CACNA1B: variants seen among roughly 807,000 people sequenced by gnomAD.
CACNA1B encodes the protein calcium voltage-gated channel subunit alpha1 B, also known as voltage-dependent N-type calcium channel subunit alpha-1B.
CACNA1B carries 70 observed loss-of-function variants against 247.2 expected under a neutral mutation model. That is an observed-to-expected ratio of 0.28 (90% CI 0.23 to 0.35). The LOEUF (loss-of-function observed/expected upper bound fraction) is 0.35, where lower values mean the gene tolerates loss of function less well. Ranked by LOEUF, CACNA1B falls within the 10% of genes least tolerant of loss-of-function variation. CACNA1B has a pLI of 1.00. For missense variants in CACNA1B, 2,367 were observed against 3,197.4 expected (o/e 0.74, Z 6.26); for synonymous variants, 1,231 against 1,294.4 (o/e 0.95, Z 1.05).
At chr9:138,115,148 G>T (rs541816965) in intron 41 of CACNA1B, among the ~76,000 whole-genome samples, 1 of 152,136 alleles carries the variant, frequency 6.6e-6, no homozygotes, top group Admixed American at 6.5e-5. Flanking sequence ...CTGAAATCTC[G>T]GAATTTTGCT....
At chr9:137,969,908 T>C (rs991550479) in intron 10 of CACNA1B, among the ~76,000 whole-genome samples, 1 of 152,108 alleles carries the variant, frequency 6.6e-6, no homozygotes, top group Non-Finnish European at 1.5e-5. Flanking sequence ...GGAGTGGTCA[T>C]CCCTGGCCTT....
At chr9:138,022,810 G>GTC (rs562907048) in intron 18 of CACNA1B, among the ~76,000 whole-genome samples, 4 of 134,626 alleles carry the variant, frequency 3.0e-5, no homozygotes, top group African/African-American at 1.3e-4. Flanking sequence ...CACCGTGGGG[G>GTC]GGGGGGGCGG....
At chr9:138,027,863 A>G (rs921607652) in intron 20 of CACNA1B, among the ~76,000 whole-genome samples, 4 of 151,988 alleles carry the variant, frequency 2.6e-5, no homozygotes, top group Admixed American at 2.6e-4. Context: ...TTGGATTGAT[A>G]TTTTTAAGCG....
At chr9:137,979,560 G>T (rs1958269756) in intron 12 of CACNA1B, among the ~76,000 whole-genome samples, 1 of 152,162 alleles carries the variant, frequency 6.6e-6, no homozygotes, top group Admixed American at 6.5e-5. Flanking sequence ...ATTATGCAAG[G>T]ATGTGAACAC....
At chr9:137,963,752 T>C (rs1439795694) in intron 10 of CACNA1B, among the ~76,000 whole-genome samples, 1 of 152,300 alleles carries the variant, frequency 6.6e-6, no homozygotes, top group East Asian at 1.9e-4. Flanking sequence ...GCTAGCTGGT[T>C]ATTTTGCAGA....
intron 3 of CACNA1B, among the ~76,000 whole-genome samples, chr9:137,889,053 G>A (rs113170757): frequency 6.2e-5 from 9 of 144,152 alleles, no homozygotes; most frequent in East Asian, 4.0e-4. Flanking sequence ...CTGCCTTCCC[G>A]CAAGGCGACC....
At chr9:138,087,645 G>A (rs1306383262) in intron 36 of CACNA1B, among the ~76,000 whole-genome samples, 1 of 146,198 alleles carries the variant, frequency 6.8e-6, no homozygotes, top group East Asian at 2.0e-4. Flanking sequence ...AACCCAGGAG[G>A]CGGAGGTTGC....
At chr9:137,997,760 C>T (rs1041602058) in intron 15 of CACNA1B, among the ~76,000 whole-genome samples, 2 of 152,262 alleles carry the variant, frequency 1.3e-5, no homozygotes, top group Admixed American at 6.5e-5. Context: ...TCATTATATC[C>T]CATCCACTGG....
chr9:138,042,227 A>G (rs959216657), intron 20 of CACNA1B, among the ~76,000 whole-genome samples: 3 of 152,266 alleles, frequency 2.0e-5, no homozygotes, highest in African/African-American at 4.8e-5. Context: ...AGAAGGGCGG[A>G]TCATTTGAGG....
At chr9:137,980,667 C>T (rs1658757043) in intron 12 of CACNA1B, among the ~76,000 whole-genome samples, 1 of 152,196 alleles carries the variant, frequency 6.6e-6, no homozygotes, top group African/African-American at 2.4e-5. Context: ...CTTCCCCCTC[C>T]CTCCTCCCTC....
rs1221754482 is a variant in CACNA1B at position 138,057,321 on chromosome 9, C to T, written c.3969-411C>T. On this transcript the variant is annotated intron_variant, in intron 26 of 46. Transcript: ENST00000371372. The surrounding 1 kb of genome is among the most constrained non-coding windows in gnomAD (Gnocchi z 4.0). ...AGGATTAGGAAATAAGTATTTTTCC[C>T]ATTCTGTGGATTTGTCTCTTTACGT... 6.6e-6 allele frequency among the ~76,000 whole-genome samples: 1 copy of T among 152,126 alleles called. No homozygotes were observed. Among genetic ancestry groups the T allele is most frequent in the African/African-American group, 2.4e-5 (1 of 41,416 alleles).
intron 12 of CACNA1B, among the ~76,000 whole-genome samples, 158 bp downstream of exon 12, chr9:137,976,177 G>A (rs367959015): frequency 1.9e-4 from 29 of 152,378 alleles, no homozygotes; most frequent in African/African-American, 6.7e-4. Flanking sequence ...GGCTGGCAGC[G>A]GGAGGCCTGT....
intron 10 of CACNA1B, among the ~76,000 whole-genome samples, chr9:137,959,828 C>T (rs1441729072): frequency 6.6e-6 from 1 of 152,154 alleles, no homozygotes; most frequent in East Asian, 1.9e-4. Flanking sequence ...GGCCCTTCAT[C>T]ATTGGAGTTT....
Position 138,120,388 on chromosome 9 carries a change from C to T in CACNA1B, c.6238+16C>T. On this transcript the variant is annotated intron_variant, in intron 45 of 46. Transcript: ENST00000371372. The stretch of plus-strand genomic sequence containing the variant: ...ATGGATGGCGGTGCGTGCGGAGGGG[C>T]CCGGGGAGTCCTTCGGGGAGCTATG... 3 of 1,532,600 alleles carry T rather than the reference C, an allele frequency of 2.0e-6. No individual in the cohort carries two copies. Among genetic ancestry groups the T allele is most frequent in the South Asian group, 1.2e-5 (1 of 84,014 alleles). The allele number at this position is 1,532,600 out of a possible 1,614,324, so 94.9% of individuals were successfully genotyped here.
At chr9:138,069,713 T>C in intron 31 of CACNA1B, 45 bp from the exon 32 acceptor site, 1 of 1,549,076 alleles carries the variant, frequency 6.5e-7, no homozygotes, top group South Asian at 1.1e-5. Context: ...CTCCCCAATT[T>C]GTAAATAATA....
intron 36 of CACNA1B, among the ~76,000 whole-genome samples, chr9:138,080,243 G>A (rs144424352): frequency 4.1e-4 from 63 of 152,316 alleles, no homozygotes; most frequent in African/African-American, 1.3e-3. Context: ...TGTGCTGGAC[G>A]TGGGATCAAA....
At chr9:138,027,717 T>C (rs1229646004) in intron 20 of CACNA1B, among the ~76,000 whole-genome samples, 1 of 152,234 alleles carries the variant, frequency 6.6e-6, no homozygotes, top group East Asian at 1.9e-4. Context: ...TATTTTTTTC[T>C]CCTTAGATAT....
At position 138,114,361 on chromosome 9, in the gene CACNA1B, C is replaced by T. The variant is rs745349331; in HGVS notation, c.5537-17C>T. On this transcript the variant is annotated splice_polypyrimidine_tract_variant and intron_variant, in intron 40 of 46. Coordinates refer to ENST00000371372, the MANE Select transcript of CACNA1B (RefSeq NM_000718.4). The stretch of plus-strand genomic sequence containing the variant: ...CTGCCCCCTTCTCCGAATCTCAACT[C>T]CTGTGTTCTTTTCCAGCTGATGAGA... The T allele has an allele frequency of 5.4e-6, 7 of 1,304,500 alleles. No individual in the cohort carries two copies. In the Admixed American group the frequency reaches 1.1e-4, roughly 21 times the overall value. The allele number at this position is 1,304,500 out of a possible 1,614,324, so 80.8% of individuals were successfully genotyped here.
intron 31 of CACNA1B, chr9:138,068,600 C>T: frequency 1.9e-6 from 1 of 518,870 alleles, no homozygotes; most frequent in South Asian, 1.4e-5. Context: ...CTAAGGGCCT[C>T]CTCCTTGGAA....
Sources: gnomAD v4.1 joint callset for allele counts (sites outside exome capture counted in the v4.1 genomes callset) on GRCh38, gnomAD v4.1.1 for gene constraint, Gnocchi (gnomAD v3.1) non-coding constraint, MANE v1.5 for transcripts, NCBI Gene and HGNC (gene_info 2026-07-23, HGNC 2026-07-21) for gene names.